Variants in LINGO2 observed in about 807,000 individuals in gnomAD.
LINGO2 encodes leucine rich repeat and Ig domain containing 2, also known as leucine-rich repeat and immunoglobulin-like domain-containing nogo receptor-interacting protein 2.
LINGO2 carries 14 observed loss-of-function variants against 30.6 expected under a neutral mutation model. That is an observed-to-expected ratio of 0.46 (90% CI 0.30 to 0.72). The LOEUF is 0.72. Among genes scored for constraint, LINGO2 ranks in the 30% least tolerant of loss-of-function variants. LINGO2 has a pLI of 0.07. For missense variants in LINGO2, 729 were observed against 751.7 expected (o/e 0.97, Z 0.35); for synonymous variants, 317 against 288.5 (o/e 1.10, Z -1.00).
At chr9:29,102,209 G>C in the LINGO2 span, among the ~76,000 whole-genome samples, 1 of 151,878 alleles carries the variant, frequency 6.6e-6, no homozygotes, top group South Asian at 2.1e-4. Flanking sequence ...AGCCTCCCGA[G>C]TAGCTGGGAC....
the LINGO2 span, among the ~76,000 whole-genome samples, chr9:29,005,098 T>G: frequency 6.6e-6 from 1 of 152,044 alleles, no homozygotes; most frequent in African/African-American, 2.4e-5. Context: ...AGAGTTATCA[T>G]GATGGTGAAT....
At chr9:28,144,659 T>C (rs1361795548) in intron 4 of LINGO2, among the ~76,000 whole-genome samples, 2 of 152,212 alleles carry the variant, frequency 1.3e-5, no homozygotes, top group African/African-American at 4.8e-5. Context: ...TTTAAGTCTT[T>C]GCTGAGTGCT....
chr9:29,077,821 A>T, the LINGO2 span, among the ~76,000 whole-genome samples: 75 of 148,552 alleles, frequency 5.0e-4, no homozygotes, highest in African/African-American at 1.5e-3. Context: ...AGAATTATTT[A>T]AAAAAAAATA....
At chr9:28,845,959 C>T in the LINGO2 span, among the ~76,000 whole-genome samples, 5 of 151,120 alleles carry the variant, frequency 3.3e-5, no homozygotes, top group Admixed American at 6.6e-5. Flanking sequence ...CCTCTAATGA[C>T]GTTTAGAGTT....
intron 3 of LINGO2, among the ~76,000 whole-genome samples, chr9:28,314,777 G>A (rs543505989): frequency 2.6e-5 from 4 of 151,934 alleles, no homozygotes; most frequent in Non-Finnish European, 4.4e-5. Flanking sequence ...TAGGTCAGAA[G>A]ATAGAGACCA....
chr9:28,760,943 T>TACACACACAC, the LINGO2 span, among the ~76,000 whole-genome samples: 2,362 of 145,342 alleles, frequency 0.016, 49 homozygotes, highest in African/African-American at 0.047. Context: ...TATATATATA[T>TACACACACAC]ATACACACAC....
At chr9:28,976,788 G>T in the LINGO2 span, among the ~76,000 whole-genome samples, 1 of 151,318 alleles carries the variant, frequency 6.6e-6, no homozygotes, top group Non-Finnish European at 1.5e-5. Context: ...AAAAAAAAAA[G>T]AATTCTTATC....
the LINGO2 span, among the ~76,000 whole-genome samples, chr9:29,149,767 A>G: frequency 6.6e-6 from 1 of 152,184 alleles, no homozygotes; most frequent in African/African-American, 2.4e-5. Flanking sequence ...TACATGGGGC[A>G]GCTGCAGCAG....
chr9:28,876,936 T>C, the LINGO2 span, among the ~76,000 whole-genome samples: 2 of 152,220 alleles, frequency 1.3e-5, no homozygotes, highest in South Asian at 2.1e-4. Flanking sequence ...TTTTAATGAC[T>C]GCCATTCTAA....
At chr9:29,058,511 T>C in the LINGO2 span, among the ~76,000 whole-genome samples, 1 of 151,972 alleles carries the variant, frequency 6.6e-6, no homozygotes, top group South Asian at 2.1e-4. Context: ...GTAACTGGTA[T>C]ACAAGAAGGG....
chr9:28,597,759 T>C (rs1162718113), intron 1 of LINGO2, among the ~76,000 whole-genome samples: 1 of 152,094 alleles, frequency 6.6e-6, no homozygotes, highest in Admixed American at 6.6e-5. Flanking sequence ...CATGTATGTA[T>C]GTATATATGT....
At chr9:28,394,223 T>C (rs1179332612) in intron 2 of LINGO2, among the ~76,000 whole-genome samples, 1 of 152,194 alleles carries the variant, frequency 6.6e-6, no homozygotes, top group Non-Finnish European at 1.5e-5. Flanking sequence ...TCCAACGCAA[T>C]GCTTCACTTT....
intron 4 of LINGO2, among the ~76,000 whole-genome samples, chr9:28,135,431 CAG>C (rs2133464096): frequency 6.6e-6 from 1 of 151,018 alleles, no homozygotes; most frequent in South Asian, 2.1e-4. Context: ...GAAACTGACT[CAG>C]ACAACAGAAA....
chr9:28,374,710 TA>T (rs1199182709), intron 2 of LINGO2, among the ~76,000 whole-genome samples: 23 of 152,256 alleles, frequency 1.5e-4, no homozygotes, highest in Middle Eastern at 6.8e-3. Context: ...CCACCATGTA[TA>T]AGCACTTTAT....
chr9:28,797,107 T>C, the LINGO2 span, among the ~76,000 whole-genome samples: 1 of 151,330 alleles, frequency 6.6e-6, no homozygotes, highest in Non-Finnish European at 1.5e-5. Context: ...ACACTCAGTC[T>C]AGGGAGAGAA....
chr9:28,345,246 A>G (rs1020948805), intron 3 of LINGO2, among the ~76,000 whole-genome samples: 4 of 152,180 alleles, frequency 2.6e-5, no homozygotes, highest in Non-Finnish European at 5.9e-5. Context: ...AATTGAATTA[A>G]ATATATTTTT....
chr9:29,141,947 AAAT>A, the LINGO2 span, among the ~76,000 whole-genome samples: 2 of 151,930 alleles, frequency 1.3e-5, no homozygotes, highest in African/African-American at 4.8e-5. Flanking sequence ...AAAAGATGAC[AAAT>A]AATAATAGTA....
intron 1 of LINGO2, among the ~76,000 whole-genome samples, chr9:28,583,782 A>G (rs899044422): frequency 6.6e-6 from 1 of 152,082 alleles, no homozygotes; most frequent in African/African-American, 2.4e-5. Context: ...TGATGCTGAC[A>G]TGGTTTGAAA....
intron 1 of LINGO2, among the ~76,000 whole-genome samples, chr9:28,476,699 A>G (rs1219241272): frequency 6.6e-6 from 1 of 152,066 alleles, no homozygotes; most frequent in Non-Finnish European, 1.5e-5. Flanking sequence ...CGTAATGAAG[A>G]GAAAACAGAC....
Sources: allele counts gnomAD v4.1 joint callset (sites outside exome capture counted in the v4.1 genomes callset), GRCh38; gene constraint gnomAD v4.1.1; transcripts MANE v1.5; gene names NCBI Gene and HGNC (gene_info 2026-07-23, HGNC 2026-07-21).